Variants in KIAA1217 observed in about 807,000 individuals in gnomAD.
KIAA1217 encodes sickle tail protein homolog.
A neutral mutation model predicts 163.9 loss-of-function variants in KIAA1217; 88 were observed. The observed-to-expected ratio is 0.54, with a 90% CI of 0.45 to 0.64. The LOEUF (loss-of-function observed/expected upper bound fraction) is 0.64, where lower values mean the gene tolerates loss of function less well. Ranked by LOEUF, KIAA1217 falls within the 30% of genes least tolerant of loss-of-function variation. KIAA1217 has a pLI of 0.00. For synonymous variants in KIAA1217, 903 were observed against 923.1 expected (o/e 0.98, Z 0.39); for missense variants, 2,372 against 2,475.0 (o/e 0.96, Z 0.88).
At chr10:23,859,632 C>A (rs1839863804) in intron 1 of KIAA1217, among the ~76,000 whole-genome samples, 1 of 152,108 alleles carries the variant, frequency 6.6e-6, no homozygotes, top group Non-Finnish European at 1.5e-5. Flanking sequence ...TTCAATATTT[C>A]ACATTTAAAT....
chr10:23,835,959 C>A (rs1353456975), intron 1 of KIAA1217, among the ~76,000 whole-genome samples: 4 of 152,102 alleles, frequency 2.6e-5, no homozygotes, highest in Non-Finnish European at 5.9e-5. Flanking sequence ...GTTGAAGTAA[C>A]CCTCAGTACC....
intron 1 of KIAA1217, among the ~76,000 whole-genome samples, chr10:23,874,889 G>T (rs1324488668): frequency 6.6e-6 from 1 of 152,010 alleles, no homozygotes; most frequent in Non-Finnish European, 1.5e-5. Flanking sequence ...GGTTTATTTT[G>T]CAGTTTGTCA....
intron 2 of KIAA1217, among the ~76,000 whole-genome samples, chr10:24,125,288 G>C (rs1043557026): frequency 3.3e-5 from 5 of 150,482 alleles, no homozygotes; most frequent in African/African-American, 1.2e-4. Context: ...AAGAAAGTTG[G>C]TTGGTAAAGA....
At chr10:23,711,980 C>A (rs536190187) in intron 1 of KIAA1217, among the ~76,000 whole-genome samples, 1 of 152,232 alleles carries the variant, frequency 6.6e-6, no homozygotes, top group South Asian at 2.1e-4. Context: ...AGTCTATAGT[C>A]CAGACTCCAC....
intron 2 of KIAA1217, among the ~76,000 whole-genome samples, chr10:24,187,548 G>A (rs2066496662): frequency 6.6e-6 from 1 of 152,190 alleles, no homozygotes. Flanking sequence ...TCCTGAGGGG[G>A]TGGGCCTCCT....
chr10:23,965,287 G>A (rs1348378019), intron 1 of KIAA1217, among the ~76,000 whole-genome samples: 3 of 152,350 alleles, frequency 2.0e-5, no homozygotes, highest in African/African-American at 7.2e-5. Context: ...CTGGGAAAGC[G>A]TGACCTGCAG....
At chr10:24,430,910 A>G (rs184996254) in intron 3 of KIAA1217, among the ~76,000 whole-genome samples, 137 of 152,330 alleles carry the variant, frequency 9.0e-4, no homozygotes, top group Non-Finnish European at 1.7e-3. Context: ...TTGTGGCCTG[A>G]AGGCTGGGGA....
chr10:24,532,054 G>A (rs982717559), intron 15 of KIAA1217, 61 bp downstream of exon 15: 9 of 1,364,808 alleles, frequency 6.6e-6, no homozygotes, highest in Admixed American at 2.8e-5. Context: ...CTTAGACAAG[G>A]TTCTCTCTGT....
intron 1 of KIAA1217, among the ~76,000 whole-genome samples, chr10:23,810,760 T>G (rs1161217535): frequency 7.9e-6 from 1 of 126,152 alleles, no homozygotes; most frequent in Non-Finnish European, 1.6e-5. Flanking sequence ...AATATAGTAT[T>G]ATATAACTAT....
At position 24,001,752 on chromosome 10, in the gene KIAA1217, G is replaced by A. The variant is rs138469978; in HGVS notation, c.-320-5473G>A. Among the ~76,000 whole-genome samples, 319 of 152,294 alleles carry A rather than the reference G, an allele frequency of 2.1e-3. 3 individuals carry two copies. Among genetic ancestry groups the A allele is most frequent in the Middle Eastern group, 0.017 (5 of 294 alleles). The stretch of plus-strand genomic sequence containing the variant: ...GTAAGAAACAGAAGTTTGCCTGAGC[G>A]AGGGGAATGTCTAAACTCAAACCCT... On this transcript the variant is annotated intron_variant, in intron 1 of 18. Coordinates refer to the KIAA1217 transcript ENST00000376462.
chr10:24,277,347 T>G (rs1203629179), intron 2 of KIAA1217, among the ~76,000 whole-genome samples: 2 of 152,122 alleles, frequency 1.3e-5, no homozygotes, highest in Non-Finnish European at 2.9e-5. Context: ...AGCAGGTGGG[T>G]GGCAGGTCTC....
rs57494735 is a variant in KIAA1217, at chr10:23,910,295, TA to T, written c.-320-96920del. Among the ~76,000 whole-genome samples the T allele has an allele frequency of 4.1e-3, 580 of 141,022 alleles. 3 individuals carry two copies. Among genetic ancestry groups the T allele is most frequent in the Non-Finnish European group, 5.8e-3 (370 of 64,058 alleles). 92.5% of individuals were successfully genotyped at this position (141,022 alleles called of 152,430 possible). ...CACGTGTACCCCAGAACTTAAAGTA[TA>T]AAAAAAAAAGAAAAGAAAAGAAAGC... On this transcript the variant is annotated intron_variant, in intron 1 of 18. Coordinates refer to the KIAA1217 transcript ENST00000376462.
At chr10:24,439,509 T>C (rs184827219) in intron 5 of KIAA1217, among the ~76,000 whole-genome samples, 145 of 152,326 alleles carry the variant, frequency 9.5e-4, no homozygotes, top group African/African-American at 3.2e-3. Context: ...CTGTAATAAA[T>C]TAGGACAAAT....
At chr10:24,307,980 A>G (rs1210324972) in intron 2 of KIAA1217, among the ~76,000 whole-genome samples, 1 of 152,198 alleles carries the variant, frequency 6.6e-6, no homozygotes, top group Admixed American at 6.5e-5. Flanking sequence ...AGCCATAGAA[A>G]GCTTTTGATT....
At chr10:23,881,154 G>C (rs1840933199) in intron 1 of KIAA1217, among the ~76,000 whole-genome samples, 1 of 151,422 alleles carries the variant, frequency 6.6e-6, no homozygotes, top group Non-Finnish European at 1.5e-5. Flanking sequence ...TGTGAAGAAA[G>C]TGTCTGTTTC....
intron 1 of KIAA1217, among the ~76,000 whole-genome samples, chr10:23,800,041 A>G (rs555124641): frequency 1.9e-3 from 291 of 152,238 alleles, no homozygotes; most frequent in African/African-American, 6.1e-3. Flanking sequence ...ACCACTGGGT[A>G]TCTTAGAAAT....
chr10:23,741,286 A>G lies in KIAA1217; in HGVS notation c.-321+46052A>G, dbSNP rs149194861. On this transcript the variant is annotated intron_variant, in intron 1 of 18. Coordinates refer to the KIAA1217 transcript ENST00000376462. ...GTCAGAGAGAATACACACTCTGACAACATTCTTTAAAGATCCTGGATCCAG... is the reference window on the plus strand; with the variant it reads ...GTCAGAGAGAATACACACTCTGACAGCATTCTTTAAAGATCCTGGATCCAG... Among the ~76,000 whole-genome samples, 73 of 152,340 alleles carry G rather than the reference A, an allele frequency of 4.8e-4. 2 individuals carry two copies. In the East Asian group the frequency reaches 0.014, roughly 29 times the overall value.
At chr10:24,464,499 T>C (rs77572951) in intron 5 of KIAA1217, among the ~76,000 whole-genome samples, 11,736 of 152,142 alleles carry the variant, frequency 0.077, 637 homozygotes, top group East Asian at 0.18. Context: ...TTGCTTTTTT[T>C]TGGAGCCAGG....
intron 1 of KIAA1217, among the ~76,000 whole-genome samples, chr10:23,783,585 G>C (rs751819413): frequency 3.1e-4 from 47 of 152,120 alleles, no homozygotes; most frequent in Non-Finnish European, 1.8e-4. Flanking sequence ...CATAAAATAA[G>C]TGTGGAAGTA....
Sources: allele counts gnomAD v4.1 joint callset (sites outside exome capture counted in the v4.1 genomes callset), GRCh38; gene constraint gnomAD v4.1.1; transcripts MANE v1.5; gene names NCBI Gene and HGNC (gene_info 2026-07-23, HGNC 2026-07-21).